Variants in AGAP1 observed in about 807,000 individuals in gnomAD.
The protein encoded by AGAP1 is ArfGAP with GTPase domain, ankyrin repeat and PH domain 1, also known as arf-GAP with GTPase, ANK repeat and PH domain-containing protein 1.
AGAP1 carries 29 observed loss-of-function variants against 105.3 expected under a neutral mutation model. That is an observed-to-expected ratio of 0.28 (90% CI 0.21 to 0.38). The LOEUF is 0.38. AGAP1 is among the 10% of genes least tolerant of loss of function. The pLI is 1.00. For synonymous variants in AGAP1, 509 were observed against 485.9 expected, an observed-to-expected ratio of 1.05 and a Z score of -0.63; for missense variants, 998 against 1,165.1, an observed-to-expected ratio of 0.86 and a Z score of 2.09.
intron 1 of AGAP1, among the ~76,000 whole-genome samples, chr2:235,509,505 T>G (rs1021131024): frequency 3.9e-5 from 6 of 152,112 alleles, no homozygotes; most frequent in Non-Finnish European, 2.9e-5. Flanking sequence ...AATGTTGGGA[T>G]TACAGGTGTG....
At chr2:235,829,500 C>T (rs1193534940) in intron 9 of AGAP1, among the ~76,000 whole-genome samples, 4 of 152,158 alleles carry the variant, frequency 2.6e-5, no homozygotes, top group Non-Finnish European at 5.9e-5. Context: ...TCAATCCTGG[C>T]CAAATGTATA....
chr2:235,515,166 G>A (rs943190696), intron 1 of AGAP1, among the ~76,000 whole-genome samples: 5 of 152,160 alleles, frequency 3.3e-5, no homozygotes, highest in Non-Finnish European at 7.4e-5. Flanking sequence ...TGGGTCCTTG[G>A]TTGGAAACAT....
At chr2:235,859,399 C>T (rs537374270) in intron 9 of AGAP1, among the ~76,000 whole-genome samples, 2 of 86,020 alleles carry the variant, frequency 2.3e-5, no homozygotes, top group Non-Finnish European at 3.0e-5. Flanking sequence ...AACCTCCCCC[C>T]CCCCCCCCGC....
intron 1 of AGAP1, among the ~76,000 whole-genome samples, chr2:235,554,739 C>T (rs186753114): frequency 8.5e-5 from 13 of 152,234 alleles, no homozygotes; most frequent in Admixed American, 4.6e-4. Context: ...AGTGCAGTGG[C>T]GCAGTCTTGG....
intron 13 of AGAP1, among the ~76,000 whole-genome samples, chr2:235,990,825 G>T (rs761493006): frequency 6.6e-6 from 1 of 152,200 alleles, no homozygotes; most frequent in Non-Finnish European, 1.5e-5. Flanking sequence ...AATGTAATTT[G>T]CAACAGTAAA....
intron 5 of AGAP1, among the ~76,000 whole-genome samples, chr2:235,745,074 AAAAAT>A (rs146962726): frequency 0.022 from 3,293 of 152,238 alleles, 105 homozygotes; most frequent in African/African-American, 0.068. Context: ...GTGCTTTATG[AAAAAT>A]AAAATCTATT....
chr2:235,928,058 G>A (rs2052538880), intron 11 of AGAP1, among the ~76,000 whole-genome samples: 2 of 152,180 alleles, frequency 1.3e-5, no homozygotes, highest in Admixed American at 6.5e-5. Context: ...GCCCAGAAGT[G>A]CCTGGCACAG....
rs781296171 is a variant in AGAP1, at chr2:235,744,740, G to A, written c.439G>A (p.Glu147Lys). The A allele has an allele frequency of 4.3e-6, 7 of 1,613,792 alleles. No individual in the cohort carries two copies. The South Asian group carries it at 7.7e-5, about 18-fold the overall frequency. ...CGCTGTTATATTTGTCTTCAGCTTG[G>A]AGGATGAAATAAGTTTCCAGACCGT... ...VDAVIFVFSL[E>K]DEISFQTVYH... The change falls in exon 5 of 18, where the codon GAG (glutamate) becomes AAG (lysine). Residue 147 changes from glutamate to lysine, a missense_variant. Physicochemically the swap from Glu to Lys is moderately conservative, Grantham distance 56. Transcript: ENST00000304032. The surrounding 1 kb of genome is among the most constrained non-coding windows in gnomAD (Gnocchi z 5.2).
Position 235,517,755 on chromosome 2 carries a change from G to A in AGAP1, c.163+22906G>A, listed in dbSNP as rs778639617. ...AGTTCGAGACCAGCCTGGCCAACAT[G>A]GTGAAACCCCGTTTCTACTAAAAAT... On this transcript the variant is annotated intron_variant, in intron 1 of 17. Transcript: ENST00000304032. The surrounding 1 kb of genome is among the most constrained non-coding windows in gnomAD (Gnocchi z 4.1). Among the ~76,000 whole-genome samples, 1 of 151,982 alleles carries A rather than the reference G, an allele frequency of 6.6e-6. No homozygotes were observed. Among genetic ancestry groups the A allele is most frequent in the Non-Finnish European group, 1.5e-5 (1 of 68,010 alleles).
chr2:235,802,835 T>G, intron 8 of AGAP1, among the ~76,000 whole-genome samples: 1 of 115,268 alleles, frequency 8.7e-6, no homozygotes, highest in South Asian at 3.0e-4. Context: ...GTTGTGATGA[T>G]GGTTATGGTT....
At chr2:235,686,725 G>A (rs1312916306) in intron 1 of AGAP1, among the ~76,000 whole-genome samples, 2 of 144,522 alleles carry the variant, frequency 1.4e-5, no homozygotes, top group Non-Finnish European at 3.0e-5. Context: ...GCAGTGGCGT[G>A]ATCATGGTTC....
chr2:235,911,655 T>C (rs977099185), intron 11 of AGAP1, among the ~76,000 whole-genome samples: 11 of 152,222 alleles, frequency 7.2e-5, no homozygotes, highest in Non-Finnish European at 1.5e-4. Flanking sequence ...TGGGCCTTTC[T>C]CTTTGAGGGA....
chr2:235,815,418 C>T (rs1262307696), intron 9 of AGAP1, among the ~76,000 whole-genome samples: 1 of 152,194 alleles, frequency 6.6e-6, no homozygotes, highest in Non-Finnish European at 1.5e-5. Context: ...CCCATTGAAT[C>T]AGGGTCCCAT....
chr2:235,781,867 G>T (rs72981189), intron 6 of AGAP1, among the ~76,000 whole-genome samples: 1 of 151,880 alleles, frequency 6.6e-6, no homozygotes, highest in African/African-American at 2.4e-5. Flanking sequence ...AATGGATGCC[G>T]CTAGTGTATA....
Position 235,622,694 on chromosome 2 carries a change from G to A in AGAP1, c.164-86485G>A, listed in dbSNP as rs1003182943. Among the ~76,000 whole-genome samples the A allele has an allele frequency of 1.3e-5, 2 of 152,108 alleles. No homozygotes were observed. The highest frequency in any genetic ancestry group is 4.8e-5 in the African/African-American group (2 of 41,410). ...TTCAGTGGACACTGTCAGAGGTGCTGTGGATCACTTGGACCACGGTAGCTA... is the reference window on the plus strand; with the variant it reads ...TTCAGTGGACACTGTCAGAGGTGCTATGGATCACTTGGACCACGGTAGCTA... On this transcript the variant is annotated intron_variant, in intron 1 of 17. Coordinates refer to ENST00000304032, the MANE Select transcript of AGAP1 (RefSeq NM_001037131.3). The surrounding 1 kb of genome is among the most constrained non-coding windows in gnomAD (Gnocchi z 5.0).
chr2:235,766,851 C>A (rs1954996322), intron 6 of AGAP1, among the ~76,000 whole-genome samples: 1 of 151,686 alleles, frequency 6.6e-6, no homozygotes, highest in African/African-American at 2.4e-5. Flanking sequence ...AAGCAATTTT[C>A]ATGCCTCAGC....
At position 235,600,950 on chromosome 2, in the gene AGAP1, TTTA is replaced by T. The variant is rs1200215253; in HGVS notation, c.163+106104_163+106106del. On this transcript the variant is annotated intron_variant, in intron 1 of 17. Transcript: ENST00000304032. The surrounding 1 kb of genome is among the most constrained non-coding windows in gnomAD (Gnocchi z 4.8). Reference sequence around the variant, plus strand: ...CTCCCCCATCTCAGCTGGTGCTCACTTTATTTTTACTGCTTGTTGTTCTGGCCC... The same window carrying T: ...CTCCCCCATCTCAGCTGGTGCTCACTTTTTTACTGCTTGTTGTTCTGGCCC... 6.6e-6 allele frequency among the ~76,000 whole-genome samples: 1 copy of T among 152,168 alleles called. No individual in the cohort carries two copies. The highest frequency in any genetic ancestry group is 1.5e-5 in the Non-Finnish European group (1 of 68,024).
rs1227543802 is a variant in AGAP1 at position 235,793,344 on chromosome 2, C to G, written c.674-4415C>G. Among the ~76,000 whole-genome samples, 1 of 152,166 alleles carries G rather than the reference C, an allele frequency of 6.6e-6. No homozygotes were observed. The highest frequency in any genetic ancestry group is 1.9e-4 in the East Asian group (1 of 5,176). ...AGTCACCACACTCAGTCCTTTTCAG[C>G]ATTTTGTTTAGTTACCCAATCCATT... On this transcript the variant is annotated intron_variant, in intron 6 of 17. Coordinates refer to ENST00000304032, the MANE Select transcript of AGAP1 (RefSeq NM_001037131.3). This position sits in a 1 kb window ranked among gnomAD's most constrained non-coding sequence, Gnocchi z 5.3.
chr2:235,661,362 G>T (rs1947945681), intron 1 of AGAP1, among the ~76,000 whole-genome samples: 1 of 152,116 alleles, frequency 6.6e-6, no homozygotes, highest in South Asian at 2.1e-4. Context: ...TGTGATTGAG[G>T]GTACAGGGTC....
Sources: gnomAD v4.1 joint callset for allele counts (sites outside exome capture counted in the v4.1 genomes callset) on GRCh38, gnomAD v4.1.1 for gene constraint, Gnocchi (gnomAD v3.1) non-coding constraint, MANE v1.5 for transcripts, NCBI Gene and HGNC (gene_info 2026-07-23, HGNC 2026-07-21) for gene names.